The following CDH4 variants were observed in gnomAD, a reference collection of about 807,000 sequenced individuals.
The protein encoded by CDH4 is cadherin 4.
A neutral mutation model predicts 86.0 loss-of-function variants in CDH4; 33 were observed. The observed-to-expected ratio is 0.38, with a 90% CI of 0.29 to 0.51. The LOEUF is 0.51. CDH4 is among the 20% of genes least tolerant of loss of function. The pLI, the probability that CDH4 is intolerant of heterozygous loss-of-function variation, is 0.86. For synonymous variants in CDH4, 555 were observed against 549.4 expected (o/e 1.01, Z -0.14); for missense variants, 1,114 against 1,307.4 (o/e 0.85, Z 2.28).
In CDH4 at chr20:61,940,444, C is replaced by CATT. The variant is rs2055250513; in HGVS notation, c.*3502_*3504dup. 6.7e-6 allele frequency: 1 copy of CATT among 149,928 alleles called. No individual in the cohort carries two copies. The highest frequency in any genetic ancestry group is 6.6e-5 in the Admixed American group (1 of 15,042). The allele number at this position is 149,928 out of a possible 1,614,324, so 9.3% of individuals were successfully genotyped here. On this transcript the variant is annotated 3_prime_UTR_variant, in exon 16 of 16. Coordinates refer to ENST00000614565, the MANE Select transcript of CDH4 (RefSeq NM_001794.5). ...AACTATTTTGTATTGTTGTTTGTAT[C>CATT]ATTTTGTACCAAAAAAAAAAAGGAA...
chr20:61,725,455 A>G (rs1600916893), intron 2 of CDH4, among the ~76,000 whole-genome samples: 1 of 152,162 alleles, frequency 6.6e-6, no homozygotes, highest in South Asian at 2.1e-4. Flanking sequence ...CACTGTTCCC[A>G]GTATCAACAG....
At chr20:61,735,499 A>G (rs1183524360) in intron 2 of CDH4, among the ~76,000 whole-genome samples, 149 of 152,208 alleles carry the variant, frequency 9.8e-4, no homozygotes, top group Non-Finnish European at 1.5e-4. Context: ...GCCCAGCCCA[A>G]TGCAGACCCC....
At chr20:61,291,115 T>C (rs2084318279) in intron 2 of CDH4, among the ~76,000 whole-genome samples, 1 of 152,208 alleles carries the variant, frequency 6.6e-6, no homozygotes, top group South Asian at 2.1e-4. Flanking sequence ...TGGCAGTCCC[T>C]GCGAGTGAGA....
chr20:61,528,463 G>GGGGGGGA (rs2085928423), intron 2 of CDH4, among the ~76,000 whole-genome samples: 1 of 96,866 alleles, frequency 1.0e-5, no homozygotes, highest in Non-Finnish European at 2.2e-5. Flanking sequence ...GAGGGGGAGA[G>GGGGGGGA]GGAGGGGGAG....
At chr20:61,395,851 T>A (rs991077539) in intron 2 of CDH4, among the ~76,000 whole-genome samples, 5 of 152,216 alleles carry the variant, frequency 3.3e-5, no homozygotes, top group African/African-American at 4.8e-5. Flanking sequence ...CGGGGTATTA[T>A]CTGAAGGCAC....
rs937916947 is a variant in CDH4, at chr20:61,681,054, C to T, written c.170-62509C>T. Among the ~76,000 whole-genome samples the T allele has an allele frequency of 6.6e-6, 1 of 152,188 alleles. No individual in the cohort carries two copies. Among genetic ancestry groups the T allele is most frequent in the African/African-American group, 2.4e-5 (1 of 41,434 alleles). ...TGACATTCCAGAAAGAAACATGTAGCTTCTCTAACATAATCCCTCTGTGCC... is the reference window on the plus strand; with the variant it reads ...TGACATTCCAGAAAGAAACATGTAGTTTCTCTAACATAATCCCTCTGTGCC... On this transcript the variant is annotated intron_variant, in intron 2 of 15. Transcript: ENST00000614565. The surrounding 1 kb of genome is among the most constrained non-coding windows in gnomAD (Gnocchi z 4.5).
At chr20:61,659,175 A>T (rs969697110) in intron 2 of CDH4, among the ~76,000 whole-genome samples, 4 of 152,200 alleles carry the variant, frequency 2.6e-5, no homozygotes, top group African/African-American at 9.6e-5. Context: ...GGGACACGCC[A>T]CGTGAGGCCC....
intron 2 of CDH4, among the ~76,000 whole-genome samples, chr20:61,431,266 T>C (rs1477536611): frequency 6.6e-6 from 1 of 152,080 alleles, no homozygotes; most frequent in African/African-American, 2.4e-5. Flanking sequence ...TAAATTACTA[T>C]GCAAGGAAGT....
rs143831283 is a variant in CDH4, at chr20:61,269,890, G to A, written c.169+14953G>A. ...TGGTACTCATTTCCACATGGCCCCG[G>A]CTGTTGACGATGACCTTAAGCTCCC... On this transcript the variant is annotated intron_variant, in intron 2 of 15. Coordinates refer to ENST00000614565, the MANE Select transcript of CDH4 (RefSeq NM_001794.5). The surrounding 1 kb of genome is among the most constrained non-coding windows in gnomAD (Gnocchi z 5.3). 3.4e-4 allele frequency among the ~76,000 whole-genome samples: 52 copies of A among 152,322 alleles called. No individual in the cohort carries two copies. The highest frequency in any genetic ancestry group is 6.8e-4 in the Non-Finnish European group (46 of 68,042).
intron 7 of CDH4, among the ~76,000 whole-genome samples, chr20:61,889,759 T>A (rs1193727683): frequency 6.8e-6 from 1 of 146,228 alleles, no homozygotes; most frequent in Non-Finnish European, 1.5e-5. Flanking sequence ...GATGGATGCA[T>A]GGATGGATTA....
intron 2 of CDH4, among the ~76,000 whole-genome samples, chr20:61,425,816 G>A (rs936812084): frequency 6.6e-6 from 1 of 150,902 alleles, no homozygotes; most frequent in South Asian, 2.1e-4. Context: ...CAAAGGCCCC[G>A]CCCAGGGCAG....
chr20:61,430,034 G>A (rs138718640), intron 2 of CDH4, among the ~76,000 whole-genome samples: 1 of 152,222 alleles, frequency 6.6e-6, no homozygotes, highest in South Asian at 2.1e-4. Flanking sequence ...CAGCCGCAGA[G>A]ATTCTGAGTC....
intron 2 of CDH4, among the ~76,000 whole-genome samples, chr20:61,349,195 C>T (rs1236327592): frequency 1.3e-5 from 2 of 152,226 alleles, no homozygotes; most frequent in African/African-American, 4.8e-5. Flanking sequence ...CAGGCTGGGT[C>T]ATCAGGAACA....
intron 2 of CDH4, among the ~76,000 whole-genome samples, chr20:61,688,001 A>AT (rs2087606728): frequency 6.6e-6 from 1 of 152,166 alleles, no homozygotes; most frequent in Non-Finnish European, 1.5e-5. Context: ...CTTCATAATA[A>AT]GTCGTAAGTG....
chr20:61,379,867 A>G (rs2084890563), intron 2 of CDH4, among the ~76,000 whole-genome samples: 1 of 152,224 alleles, frequency 6.6e-6, no homozygotes, highest in Non-Finnish European at 1.5e-5. Flanking sequence ...ATGACTCAAA[A>G]ATAGGTAGCA....
At chr20:61,872,987 C>T (rs1983871888) in intron 6 of CDH4, among the ~76,000 whole-genome samples, 1 of 152,242 alleles carries the variant, frequency 6.6e-6, no homozygotes, top group East Asian at 1.9e-4. Context: ...AAAGGCTGCA[C>T]AGCCAAAGAA....
At chr20:61,855,640 C>T (rs1431579085) in intron 6 of CDH4, among the ~76,000 whole-genome samples, 1 of 152,212 alleles carries the variant, frequency 6.6e-6, no homozygotes, top group Non-Finnish European at 1.5e-5. Flanking sequence ...AAATCAATAG[C>T]AAAAGTCTTC....
At position 61,447,984 on chromosome 20, in the gene CDH4, T is replaced by C. The variant is rs371321685; in HGVS notation, c.169+193047T>C. 2.1e-4 allele frequency among the ~76,000 whole-genome samples: 32 copies of C among 152,360 alleles called. No homozygotes were observed. The East Asian group carries it at 3.7e-3, about 17-fold the overall frequency. On this transcript the variant is annotated intron_variant, in intron 2 of 15. Transcript: ENST00000614565. ...GCATGAACTTACTTTTTGGAGGTCA[T>C]GGGCTTTTCCCAAGATTCTGCCACC... is the stretch of plus-strand genomic sequence containing the variant.
chr20:61,680,619 C>T (rs933937192), intron 2 of CDH4, among the ~76,000 whole-genome samples: 2 of 152,202 alleles, frequency 1.3e-5, no homozygotes, highest in South Asian at 2.1e-4. Context: ...GATAGAAGGG[C>T]GCCCTGGTGT....
Sources: allele counts gnomAD v4.1 joint callset (sites outside exome capture counted in the v4.1 genomes callset), GRCh38; gene constraint gnomAD v4.1.1; non-coding constraint Gnocchi (gnomAD v3.1); transcripts MANE v1.5; gene names NCBI Gene and HGNC (gene_info 2026-07-23, HGNC 2026-07-21).